The following NBEAL2 variants were observed in gnomAD, a reference collection of about 807,000 sequenced individuals.
NBEAL2 encodes the protein neurobeachin-like protein 2.
A neutral mutation model predicts 299.8 loss-of-function variants in NBEAL2; 160 were observed. The ratio of observed to expected loss-of-function variants is 0.53; its 90% CI spans 0.47 to 0.61. The LOEUF (loss-of-function observed/expected upper bound fraction) is 0.61. NBEAL2 is among the 20% of genes least tolerant of loss of function. NBEAL2 has a pLI of 0.00. For synonymous variants in NBEAL2, 1,493 were observed against 1,542.3 expected (o/e 0.97, Z 0.75); for missense variants, 3,112 against 3,649.0 (o/e 0.85, Z 3.79).
chr3:46,995,095 G>C lies in NBEAL2; in HGVS notation c.1360G>C (p.Val454Leu). The C allele has an allele frequency of 6.4e-7, 1 of 1,571,102 alleles. No individual in the cohort carries two copies. Among genetic ancestry groups the C allele is most frequent in the Middle Eastern group, 1.7e-4 (1 of 6,016 alleles). ...AATCCGCAACGAGCAGCCGGTACTG[G>C]TGCTGGCGCAGTGGCTGCCGTCATT... ...PPIRNEQPVL[V>L]LAQWLPSLPT... The change falls in exon 13 of 54, where the codon GTG (valine) becomes CTG (leucine). Residue 454 changes from valine (V) to leucine (L), a missense_variant. Physicochemically the swap from Val to Leu is conservative, Grantham distance 32. Transcript: ENST00000450053.
chr3:46,999,680 G>T lies in NBEAL2; in HGVS notation c.3754G>T (p.Ala1252Ser), dbSNP rs2036806131. The part of the protein sequence containing the change: ...LLAVVQLSLQ[A>S]DLSVRLDICR... Reference sequence around the variant, plus strand: ...GGCTGTGGTACAGCTGTCCCTCCAGGCTGACCTCAGCGTTCGCCTAGACAT... The same window carrying T: ...GGCTGTGGTACAGCTGTCCCTCCAGTCTGACCTCAGCGTTCGCCTAGACAT... The change falls in exon 26 of 54, where the codon GCT (alanine) becomes TCT (serine). Residue 1252 changes from alanine (A) to serine (S), a missense_variant. Ala to Ser is a moderately conservative substitution (Grantham distance 99, BLOSUM62 1). This residue lies in a region of NBEAL2 where 2,243 missense variants were observed against 2,538.1 expected (regional missense o/e 0.88). Coordinates refer to ENST00000450053, the MANE Select transcript of NBEAL2 (RefSeq NM_015175.3). 1 of 1,613,470 alleles carries T rather than the reference G, an allele frequency of 6.2e-7. No individual in the cohort carries two copies. The highest frequency in any genetic ancestry group is 1.3e-5 in the African/African-American group (1 of 74,920).
At chr3:46,998,679 C>T (rs559018131) in intron 22 of NBEAL2, 38 bp from the exon 23 acceptor site, 140 of 1,557,586 alleles carry the variant, frequency 9.0e-5, no homozygotes, top group Non-Finnish European at 7.5e-5. Context: ...CCCCGCCTTT[C>T]TTTGGGACCT....
Position 46,991,783 on chromosome 3 carries a change from A to G in NBEAL2, c.926-57A>G, listed in dbSNP as rs889191303. 4.5e-6 allele frequency: 7 copies of G among 1,562,042 alleles called. No homozygotes were observed. The African/African-American group carries it at 9.5e-5, about 21-fold the overall frequency. ...TCTGGATAGGGCAGCATAGGAAGGAAGGCTTAAGGCTGCCTAGAGGGGTCT... is the reference window on the plus strand; with the variant it reads ...TCTGGATAGGGCAGCATAGGAAGGAGGGCTTAAGGCTGCCTAGAGGGGTCT... On this transcript the variant is annotated intron_variant, in intron 8 of 53. Coordinates refer to ENST00000450053, the MANE Select transcript of NBEAL2 (RefSeq NM_015175.3). The surrounding 1 kb of genome is among the most constrained non-coding windows in gnomAD (Gnocchi z 6.2).
rs967697191 is a variant in NBEAL2 at position 46,986,538 on chromosome 3, G to A, written c.52-2131G>A. On this transcript the variant is annotated intron_variant, in intron 1 of 53. Coordinates refer to ENST00000450053, the MANE Select transcript of NBEAL2 (RefSeq NM_015175.3). ...GCCTTTATGGGGAGGGGTTAGACAC[G>A]GTCAAATTTGGGCTTTCAGGTGCTC... is the stretch of plus-strand genomic sequence containing the variant. Among the ~76,000 whole-genome samples the A allele has an allele frequency of 4.6e-5, 7 of 152,286 alleles. No homozygotes were observed. In the South Asian group the frequency reaches 1.0e-3, roughly 23 times the overall value.
rs1207290209 is a variant in NBEAL2, at chr3:47,005,668, G to A, written c.6691+49G>A. The A allele has an allele frequency of 5.0e-6, 8 of 1,599,304 alleles. No individual in the cohort carries two copies. In the Admixed American group the frequency reaches 1.4e-4, roughly 27 times the overall value. On this transcript the variant is annotated intron_variant, in intron 41 of 53. Transcript: ENST00000450053. ...GAGCGGGCAGGTGTAGGGATGGAGA[G>A]CAGATGGTGGAGTGGCCAGGGGGCA...
rs1433028760 is a variant in NBEAL2, at chr3:46,998,519, A to C, written c.3175A>C (p.Lys1059Gln). 1 of 1,613,234 alleles carries C rather than the reference A, an allele frequency of 6.2e-7. No homozygotes were observed. The highest frequency in any genetic ancestry group is 1.3e-5 in the African/African-American group (1 of 74,934). The change falls in exon 22 of 54, where the codon AAG becomes CAG. Residue 1059 changes from lysine to glutamine, a missense_variant. Around this residue, in one of 3 missense-constraint regions of NBEAL2, gnomAD observed 2,243 missense variants for 2,538.1 expected, o/e 0.88. Coordinates refer to ENST00000450053, the MANE Select transcript of NBEAL2 (RefSeq NM_015175.3). ...GGAGCACAGACAGAAGCTGCGGAAG[A>C]AGTACGGCGTCCAGTTTATCTTGGA... ...VREHRQKLRK[K>Q]YGVQFILDAL...
At position 46,991,459 on chromosome 3, in the gene NBEAL2, G is replaced by C; in HGVS notation, c.696G>C (p.Val232=). The change falls in exon 8 of 54, where the codon GTG becomes GTC. Residue 232 remains valine (V), a synonymous_variant. Transcript: ENST00000450053. The surrounding 1 kb of genome is among the most constrained non-coding windows in gnomAD (Gnocchi z 6.2). ...SDGSVKGLLS[V]VRGWSRGPAP... ...GCTCTGTGAAGGGCCTGCTGAGTGT[G>C]GTGCGGGGCTGGAGCCGTGGGCCAG... The C allele has an allele frequency of 6.2e-7, 1 of 1,612,096 alleles. No homozygotes were observed.
Position 47,000,489 on chromosome 3 carries a change from A to G in NBEAL2, c.4305+85A>G, listed in dbSNP as rs551606964. The G allele has an allele frequency of 6.3e-5, 94 of 1,494,802 alleles. 3 individuals are homozygous for G. The South Asian group carries it at 1.2e-3, about 20-fold the overall frequency. 92.6% of individuals were successfully genotyped at this position (1,494,802 alleles called of 1,614,324 possible). ...CAGGGCTGGCAGTGTAGCCTCTCCA[A>G]AGGTGTGGCCCTGTCTGACCAGGGT... is the stretch of plus-strand genomic sequence containing the variant. On this transcript the variant is annotated intron_variant, in intron 27 of 53. Transcript: ENST00000450053. This position sits in a 1 kb window ranked among gnomAD's most constrained non-coding sequence, Gnocchi z 4.5.
Position 46,989,606 on chromosome 3 carries a change from C to T in NBEAL2, c.556+13C>T. The T allele has an allele frequency of 1.3e-6, 2 of 1,572,462 alleles. No individual in the cohort carries two copies. Among genetic ancestry groups the T allele is most frequent in the East Asian group, 2.4e-5 (1 of 42,350 alleles). ...GCCTTCTTCCAAGGTCAGGCCCCGC[C>T]CCTGCCCCCACTTGGCTCCACCCCC... On this transcript the variant is annotated intron_variant, in intron 6 of 53. Coordinates refer to ENST00000450053, the MANE Select transcript of NBEAL2 (RefSeq NM_015175.3). The surrounding 1 kb of genome is among the most constrained non-coding windows in gnomAD (Gnocchi z 5.5).
At position 47,004,406 on chromosome 3, in the gene NBEAL2, G is replaced by A; in HGVS notation, c.6198+13G>A. 3.1e-6 allele frequency: 5 copies of A among 1,589,540 alleles called. No homozygotes were observed. The highest frequency in any genetic ancestry group is 4.3e-6 in the Non-Finnish European group (5 of 1,165,168). On this transcript the variant is annotated intron_variant, in intron 37 of 53. Coordinates refer to ENST00000450053, the MANE Select transcript of NBEAL2 (RefSeq NM_015175.3). The surrounding 1 kb of genome is among the most constrained non-coding windows in gnomAD (Gnocchi z 5.0). ...AGGCCTTACCCAGGTGAGAGCCCTG[G>A]GTGTGAGGGATGTGAAGTCGGGACC...
chr3:47,003,191 C>T lies in NBEAL2; in HGVS notation c.5602C>T (p.Pro1868Ser). 2 of 1,609,800 alleles carry T rather than the reference C, an allele frequency of 1.2e-6. No homozygotes were observed. The change falls in exon 35 of 54, where the codon CCC becomes TCC. Residue 1868 changes from proline (P) to serine (S), a missense_variant. By Grantham distance (74) the Pro-to-Ser change is moderately conservative (BLOSUM62 -1). Coordinates refer to ENST00000450053, the MANE Select transcript of NBEAL2 (RefSeq NM_015175.3). The surrounding 1 kb of genome is among the most constrained non-coding windows in gnomAD (Gnocchi z 7.0). ...CCTTGCAGGTGAGGTTCCCCTGACA[C>T]CCACCGAGGAGGCCTCACTGCCTCT... is the stretch of plus-strand genomic sequence containing the variant. ...RDNLGEVPLT[P>S]TEEASLPLAV...
Position 47,006,255 on chromosome 3 carries a change from T to C in NBEAL2, c.7010T>C (p.Leu2337Pro). ...AACTTTGGGCAGACTCCCTGTCAGCTGCTGAAGGTAAGGCCAGCTTAGAGG... is the reference window on the plus strand; with the variant it reads ...AACTTTGGGCAGACTCCCTGTCAGCCGCTGAAGGTAAGGCCAGCTTAGAGG... ...ISNFGQTPCQ[L>P]LKEPHPTRLS... Residue 2337 changes from leucine (L) to proline (P), a missense_variant, in exon 44 of 54, where the codon CTG becomes CCG. Around this residue, in one of 3 missense-constraint regions of NBEAL2, gnomAD observed 521 missense variants for 729.6 expected, o/e 0.71. Transcript: ENST00000450053. 6.2e-7 allele frequency: 1 copy of C among 1,613,698 alleles called. No individual in the cohort carries two copies. The highest frequency in any genetic ancestry group is 8.5e-7 in the Non-Finnish European group (1 of 1,179,796).
chr3:47,009,044 G>A lies in NBEAL2; in HGVS notation c.8083G>A (p.Val2695Met), dbSNP rs888443131. ...GAAGGTGGCCATCCGCAGCGTGGCC[G>A]TGACCAAGGAGCGCAGCCACGTGCT... ...PMKVAIRSVA[V>M]TKERSHVLVG... Residue 2695 changes from valine to methionine, a missense_variant, in exon 53 of 54, where the codon GTG becomes ATG. Val to Met is a conservative substitution (Grantham distance 21). Coordinates refer to ENST00000450053, the MANE Select transcript of NBEAL2 (RefSeq NM_015175.3). 3 of 1,601,672 alleles carry A rather than the reference G, an allele frequency of 1.9e-6. No homozygotes were observed. The highest frequency in any genetic ancestry group is 1.7e-5 in the Admixed American group (1 of 59,986).
Position 46,999,948 on chromosome 3 carries a change from C to T in NBEAL2, c.3849C>T (p.Gly1283=). The T allele has an allele frequency of 1.9e-6, 3 of 1,611,620 alleles. No individual in the cohort carries two copies. Among genetic ancestry groups the T allele is most frequent in the Non-Finnish European group, 2.5e-6 (3 of 1,179,396 alleles). The change falls in exon 27 of 54, where the codon GGC becomes GGT. Residue 1283 remains glycine (G), a synonymous_variant. Transcript: ENST00000450053. The stretch of plus-strand genomic sequence containing the variant: ...TGCGGCTTCTGGCCCGACAGGCTGG[C>T]TGGCAAGATGTGCTGACCCGGCTAT... ...DVVRLLARQA[G]WQDVLTRLYV...
chr3:46,998,546 G>A lies in NBEAL2; in HGVS notation c.3202G>A (p.Ala1068Thr). The A allele has an allele frequency of 6.2e-7, 1 of 1,611,728 alleles. No homozygotes were observed. Among genetic ancestry groups the A allele is most frequent in the Non-Finnish European group, 8.5e-7 (1 of 1,179,058 alleles). The change falls in exon 22 of 54, where the codon GCT becomes ACT. Residue 1068 changes from alanine (A) to threonine (T), a missense_variant. Transcript: ENST00000450053. ...KKYGVQFILDALRTHYSPQRE... is the reference protein window; with the variant it reads ...KKYGVQFILDTLRTHYSPQRE... ...GTACGGCGTCCAGTTTATCTTGGAT[G>A]CTCTGCGCACCCACTACAGGTGAGG...
Position 46,982,382 on chromosome 3 carries a change from G to A in NBEAL2, c.51+2470G>A, listed in dbSNP as rs777800530. ...GGTCTGGGTGGGGATGGAGAGGGGG[G>A]AGTAACTCCTTCCTGCCCTTCCTCT... On this transcript the variant is annotated intron_variant, in intron 1 of 53. Transcript: ENST00000450053. The surrounding 1 kb of genome is among the most constrained non-coding windows in gnomAD (Gnocchi z 4.2). 6.6e-6 allele frequency among the ~76,000 whole-genome samples: 1 copy of A among 152,040 alleles called. No homozygotes were observed. The highest frequency in any genetic ancestry group is 1.5e-5 in the Non-Finnish European group (1 of 68,000).
chr3:46,988,392 G>C lies in NBEAL2; in HGVS notation c.52-277G>C, dbSNP rs1411237994. 6.6e-6 allele frequency among the ~76,000 whole-genome samples: 1 copy of C among 152,166 alleles called. No homozygotes were observed. Among genetic ancestry groups the C allele is most frequent in the Non-Finnish European group, 1.5e-5 (1 of 68,014 alleles). Reference sequence around the variant, plus strand: ...TGCCTAGGACTGCAGGCATTAGGGAGGTGGGAGCAGAAACTGGGAGGCTGA... The same window carrying C: ...TGCCTAGGACTGCAGGCATTAGGGACGTGGGAGCAGAAACTGGGAGGCTGA... On this transcript the variant is annotated intron_variant, in intron 1 of 53. Transcript: ENST00000450053. This position sits in a 1 kb window ranked among gnomAD's most constrained non-coding sequence, Gnocchi z 4.4.
Position 46,997,042 on chromosome 3 carries a change from T to G in NBEAL2, c.2645T>G (p.Val882Gly). Residue 882 changes from valine to glycine, a missense_variant, in exon 18 of 54, where the codon GTG (valine) becomes GGG (glycine). Physicochemically the swap from Val to Gly is moderately radical, Grantham distance 109 (BLOSUM62 -3). Coordinates refer to ENST00000450053, the MANE Select transcript of NBEAL2 (RefSeq NM_015175.3). ...LTGHRVETWD[V>G]KDVVNCVGGM... ...GGCCACAGAGTGGAGACCTGGGATGTGAAGGTCTGTGAGCACGTGTGGGTG... is the reference window on the plus strand; with the variant it reads ...GGCCACAGAGTGGAGACCTGGGATGGGAAGGTCTGTGAGCACGTGTGGGTG... 6.2e-7 allele frequency: 1 copy of G among 1,612,156 alleles called. No homozygotes were observed. The highest frequency in any genetic ancestry group is 2.2e-5 in the East Asian group (1 of 44,868).
chr3:46,995,769 C>G lies in NBEAL2; in HGVS notation c.1954C>G (p.Leu652Val), dbSNP rs746295101. The change falls in exon 14 of 54, where the codon CTG becomes GTG. Residue 652 changes from leucine to valine, a missense_variant. This residue lies in a region of NBEAL2 where 2,243 missense variants were observed against 2,538.1 expected (regional missense o/e 0.88). Coordinates refer to ENST00000450053, the MANE Select transcript of NBEAL2 (RefSeq NM_015175.3). ...GGCCTTCTTCACGGCGGCCGGGACC[C>G]TGGTGGTGGCTGTGTGCACACGGAA... ...FEAFFTAAGT[L>V]VVAVCTRKEY... The G allele has an allele frequency of 3.1e-6, 5 of 1,613,760 alleles. No homozygotes were observed. The highest frequency in any genetic ancestry group is 4.2e-6 in the Non-Finnish European group (5 of 1,179,886).
Sources: allele counts gnomAD v4.1 joint callset (sites outside exome capture counted in the v4.1 genomes callset), GRCh38; gene constraint gnomAD v4.1.1; regional missense constraint gnomAD v4.1.1; non-coding constraint Gnocchi (gnomAD v3.1); transcripts MANE v1.5; gene names NCBI Gene and HGNC (gene_info 2026-07-23, HGNC 2026-07-21).